The following MPP7 variants were observed in gnomAD, a reference collection of about 807,000 sequenced individuals.
MPP7 encodes MAGUK p55 subfamily member 7.
A neutral mutation model predicts 76.5 loss-of-function variants in MPP7; 60 were observed. The ratio of observed to expected loss-of-function variants is 0.78; its 90% CI spans 0.64 to 0.97. MPP7 has a LOEUF of 0.97. Ranked by LOEUF, MPP7 falls within the 50% of genes least tolerant of loss-of-function variation. The pLI is 0.00. For missense variants in MPP7, 641 were observed against 694.0 expected (o/e 0.92, Z 0.86); for synonymous variants, 237 against 244.5 (o/e 0.97, Z 0.29).
chr10:28,290,289 T>C (rs934786811), intron 1 of MPP7, among the ~76,000 whole-genome samples: 1 of 147,600 alleles, frequency 6.8e-6, no homozygotes, highest in Admixed American at 6.8e-5. Flanking sequence ...TACTTTCCTT[T>C]TTTTTTTTTT....
chr10:28,280,367 TAC>T (rs1840632972), intron 1 of MPP7, among the ~76,000 whole-genome samples: 2 of 152,090 alleles, frequency 1.3e-5, no homozygotes, highest in Admixed American at 6.5e-5. Flanking sequence ...CTAGATTACT[TAC>T]AATACCTAAT....
chr10:28,286,000 A>G (rs1271220089), intron 1 of MPP7, among the ~76,000 whole-genome samples: 1 of 152,188 alleles, frequency 6.6e-6, no homozygotes, highest in Non-Finnish European at 1.5e-5. Context: ...TTTATTGTGT[A>G]AGACAACAAA....
intron 6 of MPP7, among the ~76,000 whole-genome samples, chr10:28,131,045 C>T (rs1166676490): frequency 6.6e-6 from 1 of 152,110 alleles, no homozygotes; most frequent in South Asian, 2.1e-4. Context: ...AATAGAGCTA[C>T]TTGGACATAA....
intron 2 of MPP7, among the ~76,000 whole-genome samples, chr10:28,315,483 G>A (rs1054766421): frequency 6.6e-6 from 1 of 152,036 alleles, no homozygotes; most frequent in African/African-American, 2.4e-5. Context: ...AGTCTGTGGC[G>A]CACCCTGCCC....
chr10:28,309,507 A>G (rs1262574856), intron 2 of MPP7, among the ~76,000 whole-genome samples: 2 of 152,046 alleles, frequency 1.3e-5, no homozygotes, highest in Non-Finnish European at 2.9e-5. Context: ...TTCCTACAAG[A>G]AGGCTACTTT....
chr10:28,216,106 T>C (rs1350410687), intron 2 of MPP7, among the ~76,000 whole-genome samples: 1 of 149,948 alleles, frequency 6.7e-6, no homozygotes, highest in Non-Finnish European at 1.5e-5. Flanking sequence ...GCACAGTGAC[T>C]CACACCCAGT....
intron 11 of MPP7, among the ~76,000 whole-genome samples, chr10:28,106,363 G>A (rs1834326041): frequency 6.6e-6 from 1 of 152,160 alleles, no homozygotes; most frequent in Admixed American, 6.5e-5. Flanking sequence ...TAAGATGCCT[G>A]TAACAATTTC....
intron 5 of MPP7, among the ~76,000 whole-genome samples, chr10:28,143,071 A>T (rs1262159768): frequency 6.6e-6 from 1 of 152,198 alleles, no homozygotes; most frequent in East Asian, 1.9e-4. Context: ...GTTGACACAA[A>T]GAGAAGGCTA....
chr10:28,071,206 C>T (rs145873100), intron 12 of MPP7, among the ~76,000 whole-genome samples: 3 of 152,334 alleles, frequency 2.0e-5, no homozygotes, highest in Non-Finnish European at 4.4e-5. Flanking sequence ...TGTCTTCTTC[C>T]ACCCTGAGGA....
At chr10:28,240,803 A>G (rs1405102737) in intron 1 of MPP7, among the ~76,000 whole-genome samples, 3 of 152,156 alleles carry the variant, frequency 2.0e-5, no homozygotes, top group Non-Finnish European at 4.4e-5. Flanking sequence ...AAAAGACTGT[A>G]TAATTTAAAG....
At chr10:28,251,898 T>G (rs1839626559) in intron 1 of MPP7, among the ~76,000 whole-genome samples, 1 of 152,070 alleles carries the variant, frequency 6.6e-6, no homozygotes, top group Non-Finnish European at 1.5e-5. Flanking sequence ...ATCTCTAATA[T>G]ATGTATACTT....
intron 3 of MPP7, among the ~76,000 whole-genome samples, chr10:28,176,736 A>G (rs1407447942): frequency 7.1e-6 from 1 of 141,362 alleles, no homozygotes; most frequent in Non-Finnish European, 1.5e-5. Context: ...GACTCTGTCT[A>G]AAAAAAAAGA....
chr10:28,196,465 GC>G (rs1378507791), intron 3 of MPP7, among the ~76,000 whole-genome samples: 1 of 133,828 alleles, frequency 7.5e-6, no homozygotes, highest in Non-Finnish European at 1.6e-5. Context: ...GGGTGACACA[GC>G]GAGACTCCAT....
chr10:28,252,920 GA>G (rs150928868), intron 1 of MPP7, among the ~76,000 whole-genome samples: 1,630 of 151,214 alleles, frequency 0.011, 10 homozygotes, highest in Middle Eastern at 0.017. Context: ...TTTTTTTTGG[GA>G]GGGGGGGGCG....
At chr10:28,087,480 C>G (rs113044094) in intron 12 of MPP7, among the ~76,000 whole-genome samples, 154 of 152,220 alleles carry the variant, frequency 1.0e-3, no homozygotes, top group African/African-American at 3.4e-3. Context: ...ACTGCAACCT[C>G]TGCCTCCCAG....
intron 12 of MPP7, among the ~76,000 whole-genome samples, chr10:28,080,349 G>C (rs916719892): frequency 6.6e-6 from 1 of 152,018 alleles, no homozygotes; most frequent in African/African-American, 2.4e-5. Flanking sequence ...AAGTAGACGG[G>C]GGCATGAGAA....
intron 3 of MPP7, among the ~76,000 whole-genome samples, chr10:28,161,018 T>G (rs1188047360): frequency 6.6e-6 from 1 of 152,242 alleles, no homozygotes; most frequent in Non-Finnish European, 1.5e-5. Flanking sequence ...ATGCTTTTCA[T>G]GCTGGCTGAT....
chr10:28,250,013 CAAA>C (rs34565971), intron 1 of MPP7, among the ~76,000 whole-genome samples: 2 of 145,334 alleles, frequency 1.4e-5, no homozygotes, highest in Non-Finnish European at 1.5e-5. Flanking sequence ...TTGAAAGTCT[CAAA>C]AAAAAAAAAA....
intron 2 of MPP7, among the ~76,000 whole-genome samples, chr10:28,308,636 G>A (rs1295109565): frequency 6.6e-6 from 1 of 151,858 alleles, no homozygotes; most frequent in Non-Finnish European, 1.5e-5. Flanking sequence ...TAATTATCTT[G>A]GTGTGGTAGT....
Sources: gnomAD v4.1 joint callset for allele counts (sites outside exome capture counted in the v4.1 genomes callset) on GRCh38, gnomAD v4.1.1 for gene constraint, MANE v1.5 for transcripts, NCBI Gene and HGNC (gene_info 2026-07-23, HGNC 2026-07-21) for gene names.